Variants in MTG2 observed in about 807,000 individuals in gnomAD.
MTG2 encodes mitochondrial ribosome-associated GTPase 2.
Under a neutral mutation model 28.6 loss-of-function variants are expected in MTG2, and 23 were observed. The ratio of observed to expected loss-of-function variants is 0.80; its 90% CI spans 0.58 to 1.14. MTG2 has a LOEUF of 1.14. MTG2 is among the 50% of genes most tolerant of loss of function. The pLI, the probability that MTG2 is intolerant of heterozygous loss-of-function variation, is 0.00. For synonymous variants in MTG2, 260 were observed against 251.8 expected (o/e 1.03, Z -0.31); for missense variants, 539 against 552.0 (o/e 0.98, Z 0.24).
Position 62,200,880 on chromosome 20 carries a change from A to G in MTG2, c.1024A>G (p.Ile342Val), listed in dbSNP as rs777886666. The change falls in exon 7 of 7, where the codon ATC becomes GTC. Residue 342 changes from isoleucine (I) to valine (V), a missense_variant. Physicochemically the swap from Ile to Val is conservative, Grantham distance 29. Transcript: ENST00000370823. ...EKGLSARPHA[I>V]VANKIDLPEA... ...GGGCCTGTCTGCGAGGCCCCACGCA[A>G]TCGTCGCAAACAAGATTGACCTCCC... 2 of 1,613,862 alleles carry G rather than the reference A, an allele frequency of 1.2e-6. No individual in the cohort carries two copies. The highest frequency in any genetic ancestry group is 1.7e-6 in the Non-Finnish European group (2 of 1,180,034).
intron 1 of MTG2, among the ~76,000 whole-genome samples, chr20:62,184,505 C>T (rs1399462622): frequency 1.3e-5 from 2 of 152,192 alleles, no homozygotes; most frequent in Non-Finnish European, 2.9e-5. Context: ...AGTTTCTACT[C>T]CTGGACTCCA....
At position 62,193,564 on chromosome 20, in the gene MTG2, T is replaced by C. The variant is rs768818873; in HGVS notation, c.144T>C (p.Arg48=). Residue 48 remains arginine (R), a synonymous_variant, in exon 2 of 7, where the codon CGT becomes CGC. Transcript: ENST00000370823. ...CTCCCAGGCTGCTCTCGGTCGGCCGTGCGGACCTCGCCAAGCATCAGGAAC... is the reference window on the plus strand; with the variant it reads ...CTCCCAGGCTGCTCTCGGTCGGCCGCGCGGACCTCGCCAAGCATCAGGAAC... ...RASPRLLSVG[R]ADLAKHQELP... is the part of the protein sequence containing the mutation. 1 of 1,613,796 alleles carries C rather than the reference T, an allele frequency of 6.2e-7. No homozygotes were observed. The highest frequency in any genetic ancestry group is 1.1e-5 in the South Asian group (1 of 91,044).
At chr20:62,196,986 C>G (rs543664482) in intron 3 of MTG2, among the ~76,000 whole-genome samples, 1 of 151,798 alleles carries the variant, frequency 6.6e-6, no homozygotes, top group Non-Finnish European at 1.5e-5. Flanking sequence ...GAGCTGAGAT[C>G]GTGCCATTGC....
chr20:62,196,683 AAAAC>A lies in MTG2; in HGVS notation c.352+746_352+749del, dbSNP rs779847920. On this transcript the variant is annotated intron_variant, in intron 3 of 6. Transcript: ENST00000370823. ...AGACCCTATCTCAAAAAAACAAAAC[AAAAC>A]AAACAAACAAAAAAAACCCTGATGT... Among the ~76,000 whole-genome samples, 116 of 152,162 alleles carry A rather than the reference AAAAC, an allele frequency of 7.6e-4. 1 individual carries two copies. The highest frequency in any genetic ancestry group is 1.5e-3 in the African/African-American group (62 of 41,502).
intron 1 of MTG2, among the ~76,000 whole-genome samples, chr20:62,188,508 ATTTT>A (rs1192106476): frequency 5.0e-4 from 45 of 89,730 alleles, no homozygotes; most frequent in African/African-American, 1.7e-3. Flanking sequence ...TAATCAGCTA[ATTTT>A]TTTTTTTTTT....
intron 4 of MTG2, chr20:62,198,232 C>G (rs2058095252): frequency 5.7e-6 from 3 of 528,378 alleles, no homozygotes; most frequent in Non-Finnish European, 6.8e-6. Context: ...AGAGGGAGCC[C>G]ACGGCACGGA....
intron 1 of MTG2, among the ~76,000 whole-genome samples, chr20:62,191,130 T>G (rs901625096): frequency 6.6e-6 from 1 of 152,034 alleles, no homozygotes; most frequent in Non-Finnish European, 1.5e-5. Flanking sequence ...GAGTGCTGAA[T>G]TGGGAATGAG....
At chr20:62,200,374 T>A (rs1218268234) in intron 6 of MTG2, 1 of 295,060 alleles carries the variant, frequency 3.4e-6, no homozygotes, top group East Asian at 6.2e-5. Context: ...TTTCCTCTTT[T>A]TTGAATCCTA....
intron 2 of MTG2, among the ~76,000 whole-genome samples, chr20:62,195,329 A>G (rs1456774662): frequency 4.6e-5 from 7 of 152,220 alleles, no homozygotes; most frequent in Non-Finnish European, 1.0e-4. Context: ...AAGCCTGGTA[A>G]TTGTCCAGGA....
At position 62,201,152 on chromosome 20, in the gene MTG2, T is replaced by G. The variant is rs1181516507; in HGVS notation, c.*75T>G. 7.6e-6 allele frequency: 11 copies of G among 1,456,800 alleles called. No homozygotes were observed. The South Asian group carries it at 1.4e-4, about 19-fold the overall frequency. The allele number at this position is 1,456,800 out of a possible 1,614,324, so 90.2% of individuals were successfully genotyped here. A position where few individuals can be genotyped will look rare whatever the true frequency, so the allele number is the denominator to read the frequency against. ...TGTGAATTCGGTGGTTTTGAATGCA[T>G]AAAGTGCCTTGTGGACACGGGGGAG... On this transcript the variant is annotated 3_prime_UTR_variant, in exon 7 of 7. Coordinates refer to ENST00000370823, the MANE Select transcript of MTG2 (RefSeq NM_015666.4).
At chr20:62,194,267 G>A (rs185384172) in intron 2 of MTG2, among the ~76,000 whole-genome samples, 151 of 152,196 alleles carry the variant, frequency 9.9e-4, no homozygotes, top group Admixed American at 1.7e-3. Flanking sequence ...GACTCCCTTC[G>A]TTTCCTGCTG....
At chr20:62,184,826 T>C (rs2057807387) in intron 1 of MTG2, among the ~76,000 whole-genome samples, 1 of 152,056 alleles carries the variant, frequency 6.6e-6, no homozygotes, top group East Asian at 1.9e-4. Context: ...AGTGGATATA[T>C]TGGTTGGGTG....
chr20:62,195,926 A>G lies in MTG2; in HGVS notation c.329A>G (p.Asn110Ser). Residue 110 changes from asparagine to serine, a missense_variant, in exon 3 of 7, where the codon AAC (asparagine) becomes AGC (serine). Transcript: ENST00000370823. Reference protein sequence around the residue: ...FGGPDGGDGGNGGHVILRVDQ... With the variant: ...FGGPDGGDGGSGGHVILRVDQ... Reference sequence around the variant, plus strand: ...GGCCCTGATGGAGGGGACGGAGGCAACGGTGGACACGTCATTCTGAGAGGC... The same window carrying G: ...GGCCCTGATGGAGGGGACGGAGGCAGCGGTGGACACGTCATTCTGAGAGGC... 6.2e-7 allele frequency: 1 copy of G among 1,614,146 alleles called. No individual in the cohort carries two copies. The highest frequency in any genetic ancestry group is 8.5e-7 in the Non-Finnish European group (1 of 1,180,014).
At chr20:62,188,371 G>A (rs1253342306) in intron 1 of MTG2, among the ~76,000 whole-genome samples, 1 of 152,034 alleles carries the variant, frequency 6.6e-6, no homozygotes, top group Non-Finnish European at 1.5e-5. Flanking sequence ...CAGAAGCTCT[G>A]TCACACAGGC....
intron 3 of MTG2, among the ~76,000 whole-genome samples, chr20:62,196,864 A>G (rs1420985577): frequency 6.6e-6 from 1 of 150,888 alleles, no homozygotes; most frequent in Non-Finnish European, 1.5e-5. Flanking sequence ...CCCCGTCTCT[A>G]CAAAAAATAC....
chr20:62,187,717 C>G (rs757147279), intron 1 of MTG2, among the ~76,000 whole-genome samples: 4 of 152,280 alleles, frequency 2.6e-5, no homozygotes, highest in Admixed American at 2.0e-4. Flanking sequence ...GAGGTTTGCG[C>G]TCTCTCGTTT....
intron 1 of MTG2, among the ~76,000 whole-genome samples, chr20:62,185,029 G>A (rs765392124): frequency 1.3e-5 from 2 of 152,056 alleles, no homozygotes; most frequent in East Asian, 1.9e-4. Context: ...TGGATCACTT[G>A]AACCCATGAG....
At chr20:62,183,620 C>T (rs1399822654) in intron 1 of MTG2, among the ~76,000 whole-genome samples, 1 of 152,214 alleles carries the variant, frequency 6.6e-6, no homozygotes, top group Non-Finnish European at 1.5e-5. Context: ...GTTACCCGTT[C>T]TATTCCCATT....
Position 62,201,147 on chromosome 20 carries a change from A to G in MTG2, c.*70A>G. 6.8e-7 allele frequency: 1 copy of G among 1,472,638 alleles called. No homozygotes were observed. The highest frequency in any genetic ancestry group is 1.4e-5 in the South Asian group (1 of 72,796). The allele number at this position is 1,472,638 out of a possible 1,614,324, so 91.2% of individuals were successfully genotyped here. On this transcript the variant is annotated 3_prime_UTR_variant, in exon 7 of 7. Coordinates refer to ENST00000370823, the MANE Select transcript of MTG2 (RefSeq NM_015666.4). ...CTGGGTGTGAATTCGGTGGTTTTGA[A>G]TGCATAAAGTGCCTTGTGGACACGG...
Sources: gnomAD v4.1 joint callset for allele counts (sites outside exome capture counted in the v4.1 genomes callset) on GRCh38, gnomAD v4.1.1 for gene constraint, MANE v1.5 for transcripts, NCBI Gene and HGNC (gene_info 2026-07-23, HGNC 2026-07-21) for gene names.